Variants in P2RX3 observed in about 807,000 individuals in gnomAD.
P2RX3 encodes purinergic receptor P2X 3.
P2RX3 carries 41 observed loss-of-function variants against 51.5 expected under a neutral mutation model. The ratio of observed to expected loss-of-function variants is 0.80; its 90% CI spans 0.62 to 1.03. P2RX3 has a LOEUF of 1.03. Among genes scored for constraint, P2RX3 ranks in the 50% least tolerant of loss-of-function variants. The probability of loss-of-function intolerance (pLI) is 0.00; values close to 1 mark genes in which losing one functional copy is unlikely to be tolerated. For synonymous variants in P2RX3, 185 were observed against 191.6 expected, an observed-to-expected ratio of 0.97 and a Z score of 0.29; for missense variants, 459 against 522.1, an observed-to-expected ratio of 0.88 and a Z score of 1.18.
At chr11:57,367,492 G>T (rs146007087) in intron 8 of P2RX3, among the ~76,000 whole-genome samples, 1 of 152,124 alleles carries the variant, frequency 6.6e-6, no homozygotes, top group Non-Finnish European at 1.5e-5. Context: ...AGGCCGAGGC[G>T]GGTGGATCAC....
chr11:57,348,859 G>T (rs542471766), intron 6 of P2RX3, among the ~76,000 whole-genome samples, 155 bp downstream of exon 6: 1 of 152,134 alleles, frequency 6.6e-6, no homozygotes, highest in Non-Finnish European at 1.5e-5. Context: ...ATCTCCCAGC[G>T]GGCCTTGGCC....
chr11:57,363,528 A>G (rs1856751884), intron 8 of P2RX3, among the ~76,000 whole-genome samples: 1 of 152,148 alleles, frequency 6.6e-6, no homozygotes, highest in African/African-American at 2.4e-5. Context: ...GAGGAAAGGG[A>G]AGACATAGAA....
At chr11:57,348,404 C>G (rs924738562) in intron 5 of P2RX3, 141 bp downstream of exon 5, 14 of 852,670 alleles carry the variant, frequency 1.6e-5, no homozygotes, top group Non-Finnish European at 2.0e-5. Flanking sequence ...GGGGTGGCCT[C>G]AGGCCCAGGG....
intron 1 of P2RX3, among the ~76,000 whole-genome samples, chr11:57,345,538 C>G (rs1000344050): frequency 1.3e-5 from 2 of 152,116 alleles, no homozygotes; most frequent in African/African-American, 4.8e-5. Flanking sequence ...AGTGTGCCAT[C>G]AGGAATAAAG....
At chr11:57,368,346 ACTTGC>A in intron 9 of P2RX3, 21 bp from the exon 10 acceptor site, 1 of 1,613,682 alleles carries the variant, frequency 6.2e-7, no homozygotes, top group Non-Finnish European at 8.5e-7. Context: ...CCCTCTGCCC[ACTTGC>A]CTTGGTCTTT....
At chr11:57,347,301 G>A (rs1590626005) in intron 3 of P2RX3, 114 bp downstream of exon 3, 2 of 1,468,032 alleles carry the variant, frequency 1.4e-6, no homozygotes, top group African/African-American at 2.8e-5. Context: ...TTGCAACTGG[G>A]ACCTGGGACC....
rs187882046 is a variant in P2RX3, at chr11:57,372,205, G to A, written c.*2208G>A. Reference sequence around the variant, plus strand: ...TAGAAAAAGAAATTTACAGTACGTGGAAATGAGATCTGGAACCTATGCCCA... The same window carrying A: ...TAGAAAAAGAAATTTACAGTACGTGAAAATGAGATCTGGAACCTATGCCCA... On this transcript the variant is annotated 3_prime_UTR_variant, in exon 12 of 12. Transcript: ENST00000263314. Among the ~76,000 whole-genome samples, 3 of 152,284 alleles carry A rather than the reference G, an allele frequency of 2.0e-5. No individual in the cohort carries two copies. In the East Asian group the frequency reaches 5.8e-4, roughly 29 times the overall value.
intron 1 of P2RX3, chr11:57,340,851 G>A (rs920307155): frequency 1.3e-5 from 2 of 152,316 alleles, no homozygotes; most frequent in Non-Finnish European, 2.9e-5. Flanking sequence ...GTGAAAGAGG[G>A]AAGGAAGAGA....
upstream of P2RX3, among the ~76,000 whole-genome samples, chr11:57,337,289 CAA>C (rs36169095): frequency 1.9e-4 from 5 of 26,758 alleles, no homozygotes; most frequent in Admixed American, 8.8e-4. Flanking sequence ...GAGACTCTGT[CAA>C]AAAAAAAAAA....
intron 8 of P2RX3, among the ~76,000 whole-genome samples, chr11:57,367,519 G>A (rs1279215379): frequency 2.0e-5 from 3 of 152,122 alleles, no homozygotes; most frequent in South Asian, 2.1e-4. Context: ...TCAGGAGTTC[G>A]AGACCAGACT....
intron 1 of P2RX3, 128 bp downstream of exon 1, chr11:57,338,797 T>C (rs993822048): frequency 1.4e-5 from 9 of 640,296 alleles, no homozygotes; most frequent in Non-Finnish European, 2.2e-5. Context: ...GTTTCTTCTG[T>C]GGAGCCGAGT....
intron 1 of P2RX3, among the ~76,000 whole-genome samples, chr11:57,343,982 G>C (rs568561900): frequency 5.9e-5 from 9 of 152,254 alleles, no homozygotes; most frequent in Non-Finnish European, 1.2e-4. Flanking sequence ...GGATTTCTAC[G>C]TGAGGCATAC....
intron 8 of P2RX3, among the ~76,000 whole-genome samples, chr11:57,353,330 A>G (rs1344066583): frequency 1.3e-5 from 2 of 152,230 alleles, no homozygotes; most frequent in East Asian, 1.9e-4. Context: ...TGCATGCCCT[A>G]CGAAGTAGAT....
At chr11:57,369,847 A>G (rs372691316) in intron 11 of P2RX3, 37 bp from the exon 12 acceptor site, 13 of 1,427,486 alleles carry the variant, frequency 9.1e-6, no homozygotes, top group African/African-American at 1.4e-5. Flanking sequence ...CATTGCCCAT[A>G]GTCAGAACTT....
chr11:57,350,993 A>T (rs3741090), intron 8 of P2RX3, 95 bp downstream of exon 8: 27 of 1,351,532 alleles, frequency 2.0e-5, no homozygotes, highest in Admixed American at 7.4e-5. Flanking sequence ...CCATCCACCC[A>T]CCCCTGGCCC....
rs1041941884 is a variant in P2RX3, at chr11:57,370,010, G to C, written c.*13G>C. ...CATAGGCCACTAGGGCCTCTTTCCA[G>C]GGCCCCACACTCACAAAGGCTCCAG... On this transcript the variant is annotated 3_prime_UTR_variant, in exon 12 of 12. Coordinates refer to ENST00000263314, the MANE Select transcript of P2RX3 (RefSeq NM_002559.5). 14 of 1,579,844 alleles carry C rather than the reference G, an allele frequency of 8.9e-6. No homozygotes were observed. Among genetic ancestry groups the C allele is most frequent in the Admixed American group, 1.7e-5 (1 of 59,790 alleles).
chr11:57,360,999 T>C (rs1360219094), intron 8 of P2RX3, among the ~76,000 whole-genome samples: 4 of 151,996 alleles, frequency 2.6e-5, no homozygotes, highest in South Asian at 4.1e-4. Context: ...TTCTGTGAGG[T>C]AAATACTCCA....
chr11:57,352,969 G>T (rs913526986), intron 8 of P2RX3, among the ~76,000 whole-genome samples: 1 of 152,178 alleles, frequency 6.6e-6, no homozygotes, highest in African/African-American at 2.4e-5. Context: ...CCAAGTAATA[G>T]CCCTGACATT....
chr11:57,357,783 C>T (rs1856653581), intron 8 of P2RX3, among the ~76,000 whole-genome samples: 1 of 152,012 alleles, frequency 6.6e-6, no homozygotes, highest in African/African-American at 2.4e-5. Context: ...GGATGTTGCC[C>T]CACCCTGAAG....
Sources: gnomAD v4.1 joint callset for allele counts (sites outside exome capture counted in the v4.1 genomes callset) on GRCh38, gnomAD v4.1.1 for gene constraint, MANE v1.5 for transcripts, NCBI Gene and HGNC (gene_info 2026-07-23, HGNC 2026-07-21) for gene names.